LTN1: variants seen among roughly 807,000 people sequenced by gnomAD.
LTN1 encodes the protein E3 ubiquitin-protein ligase listerin.
LTN1 carries 88 observed loss-of-function variants against 201.2 expected under a neutral mutation model. The ratio of observed to expected loss-of-function variants is 0.44; its 90% CI spans 0.37 to 0.52. The LOEUF (loss-of-function observed/expected upper bound fraction) is 0.52, where lower values mean the gene tolerates loss of function less well. LTN1 is among the 20% of genes least tolerant of loss of function. The pLI is 0.00. For synonymous variants in LTN1, 645 were observed against 713.5 expected, an observed-to-expected ratio of 0.90 and a Z score of 1.53; for missense variants, 1,752 against 2,038.7, an observed-to-expected ratio of 0.86 and a Z score of 2.71.
At chr21:28,977,518 T>A (rs897443516) in intron 6 of LTN1, among the ~76,000 whole-genome samples, 27 of 151,218 alleles carry the variant, frequency 1.8e-4, no homozygotes, top group African/African-American at 6.3e-4. Flanking sequence ...AGGTCAGGAG[T>A]TTGAGACCAG....
rs1388068234 is a variant in LTN1 at position 28,981,135 on chromosome 21, T to C, written c.794A>G (p.Lys265Arg). ...TTAATATACCTGAGGTACACTGTGT[T>C]TTCCATACTTCCAAAACTTATTCTG... The part of the protein sequence containing the change: ...LSQNKFWKYG[K>R]HSVPQIRSAY... The change falls in exon 6 of 30, where the codon AAA becomes AGA. Residue 265 changes from lysine to arginine, a missense_variant. Transcript: ENST00000361371. 5 of 1,564,124 alleles carry C rather than the reference T, an allele frequency of 3.2e-6. No homozygotes were observed. In the East Asian group the frequency reaches 1.2e-4, roughly 36 times the overall value.
At chr21:28,976,095 G>A (rs1479644042) in intron 6 of LTN1, among the ~76,000 whole-genome samples, 2 of 150,558 alleles carry the variant, frequency 1.3e-5, no homozygotes, top group Non-Finnish European at 3.0e-5. Flanking sequence ...TGACTTGGAA[G>A]GACAAAAGGA....
intron 9 of LTN1, chr21:28,968,080 CTA>C (rs2084541574): frequency 1.3e-5 from 2 of 152,110 alleles, no homozygotes; most frequent in Admixed American, 6.5e-5. Flanking sequence ...TTGTAAAACA[CTA>C]TTTCATATTT....
At chr21:28,955,296 T>G (rs966632724) in intron 16 of LTN1, among the ~76,000 whole-genome samples, 9 of 151,626 alleles carry the variant, frequency 5.9e-5, no homozygotes, top group African/African-American at 2.2e-4. Context: ...TAACACCCCA[T>G]CTCTAAAAAA....
rs932202963 is a variant in LTN1 at position 28,932,497 on chromosome 21, C to T, written c.5043G>A (p.Leu1681=). 1.2e-6 allele frequency: 2 copies of T among 1,613,846 alleles called. No individual in the cohort carries two copies. The highest frequency in any genetic ancestry group is 2.2e-5 in the East Asian group (1 of 44,868). ...GATGGGTGAGGTAAGTGCTTAACTG[C>T]AGCATCCAGTTCCGCCACTGCTGAA... ...VAVQQWRNWM[L]QLSTYLTHQN... The change falls in exon 28 of 30, where the codon CTG becomes CTA. Residue 1681 remains leucine (L), a synonymous_variant. Transcript: ENST00000361371.
chr21:28,973,643 G>A (rs982325832), intron 6 of LTN1, among the ~76,000 whole-genome samples: 2 of 152,026 alleles, frequency 1.3e-5, no homozygotes, highest in African/African-American at 2.4e-5. Context: ...ATTTTGCTTT[G>A]CTTAGAAATC....
chr21:28,935,157 T>C lies in LTN1; in HGVS notation c.4827A>G (p.Gln1609=). Residue 1609 remains glutamine, a synonymous_variant, in exon 27 of 30, where the codon CAA becomes CAG. Transcript: ENST00000361371. ...SKYVSSVLSF[Q]EISSVQTSTQ... ...TACTTGTTTGTACAGAAGATATTTC[T>C]TGAAAAGAAAGAACACTGCTGACAT... 4 of 1,613,518 alleles carry C rather than the reference T, an allele frequency of 2.5e-6. No homozygotes were observed. The highest frequency in any genetic ancestry group is 3.4e-6 in the Non-Finnish European group (4 of 1,179,474).
chr21:28,969,466 C>A lies in LTN1; in HGVS notation c.1311G>T (p.Gln437His). ...EEIEQMLVND[Q>H]LIPFIDAVLK... ...CTGACGACTTTTACATTATAGATAC[C>A]TGATCATTGACGAGCATCTGTTCAA... The change falls in exon 9 of 30, where the codon CAG becomes CAT. Residue 437 changes from glutamine to histidine, a missense_variant and splice_region_variant. This residue lies in a region of LTN1 where 1,211 missense variants were observed against 1,312.8 expected (regional missense o/e 0.92). Coordinates refer to ENST00000361371, the MANE Select transcript of LTN1 (RefSeq NM_015565.3). The A allele has an allele frequency of 6.2e-7, 1 of 1,608,018 alleles. No individual in the cohort carries two copies. Among genetic ancestry groups the A allele is most frequent in the African/African-American group, 1.3e-5 (1 of 74,604 alleles).
Position 28,986,084 on chromosome 21 carries a change from G to A in LTN1, c.345+55C>T. On this transcript the variant is annotated intron_variant, in intron 3 of 29. Transcript: ENST00000361371. The surrounding 1 kb of genome is among the most constrained non-coding windows in gnomAD (Gnocchi z 4.1). ...ACATTATAAATTTGAGAGTCTCCAT[G>A]ACTCCAACCAAAAAATATACAACAG... is the stretch of plus-strand genomic sequence containing the variant. 2 of 964,536 alleles carry A rather than the reference G, an allele frequency of 2.1e-6. No homozygotes were observed. Among genetic ancestry groups the A allele is most frequent in the Non-Finnish European group, 3.3e-6 (2 of 600,922 alleles). 59.7% of individuals were successfully genotyped at this position (964,536 alleles called of 1,614,324 possible).
intron 24 of LTN1, among the ~76,000 whole-genome samples, chr21:28,942,387 C>A (rs917988110): frequency 6.6e-6 from 1 of 152,014 alleles, no homozygotes; most frequent in African/African-American, 2.4e-5. Flanking sequence ...CGGCTGGTGG[C>A]GCCCTATCTC....
At chr21:28,953,853 T>C (rs2084403532) in intron 16 of LTN1, among the ~76,000 whole-genome samples, 1 of 152,134 alleles carries the variant, frequency 6.6e-6, no homozygotes. Flanking sequence ...ATATAAATAG[T>C]TATCAATTAG....
chr21:28,948,771 A>G (rs1383511471), intron 18 of LTN1, among the ~76,000 whole-genome samples: 3 of 152,076 alleles, frequency 2.0e-5, no homozygotes, highest in African/African-American at 7.2e-5. Context: ...TTATTTAACT[A>G]TTTCCCTATC....
intron 1 of LTN1, among the ~76,000 whole-genome samples, chr21:28,989,295 A>G (rs1489386576): frequency 1.3e-5 from 2 of 152,184 alleles, no homozygotes; most frequent in Non-Finnish European, 2.9e-5. Context: ...GCAAAAGAGA[A>G]GGTATCAAAT....
At chr21:28,966,227 G>C (rs1285468755) in intron 10 of LTN1, 143 bp downstream of exon 10, 1 of 710,442 alleles carries the variant, frequency 1.4e-6, no homozygotes, top group Non-Finnish European at 2.3e-6. Context: ...AGCAGCCCTA[G>C]ATACTTCCCA....
In LTN1 at chr21:28,992,839, AC is replaced by A. The variant is rs1397186444; in HGVS notation, c.-35del. The stretch of plus-strand genomic sequence containing the variant: ...TTGCAGCTGTACTCTGAGCACTCAG[AC>A]CCCGGTTGACACGTCCGGGACACAA... On this transcript the variant is annotated 5_prime_UTR_variant, in exon 1 of 30. Transcript: ENST00000361371. The A allele has an allele frequency of 1.2e-6, 2 of 1,613,738 alleles. No homozygotes were observed. The highest frequency in any genetic ancestry group is 2.2e-5 in the South Asian group (2 of 91,040).
chr21:28,970,776 G>A (rs374669088), intron 7 of LTN1, 34 bp from the exon 8 acceptor site: 81 of 1,477,314 alleles, frequency 5.5e-5, no homozygotes, highest in Non-Finnish European at 7.2e-5. Flanking sequence ...AGTAATTAGA[G>A]ATCATAAACA....
At position 28,966,629 on chromosome 21, in the gene LTN1, A is replaced by T. The variant is rs2084525905; in HGVS notation, c.1862T>A (p.Leu621His). ...EQHLRFLSTL[L>H]DSFSSSRVFK... ...TACTCGGCTTGAAGAAAAGGAGTCA[A>T]GCAGAGTAGAAAGAAACCTTAGATG... Residue 621 changes from leucine to histidine, a missense_variant, in exon 10 of 30, where the codon CTT (leucine) becomes CAT (histidine). By Grantham distance (99) the Leu-to-His change is moderately conservative (BLOSUM62 -3). Around this residue, in one of 3 missense-constraint regions of LTN1, gnomAD observed 1,211 missense variants for 1,312.8 expected, o/e 0.92. Transcript: ENST00000361371. The T allele has an allele frequency of 6.2e-7, 1 of 1,614,000 alleles. No homozygotes were observed. Among genetic ancestry groups the T allele is most frequent in the Admixed American group, 1.7e-5 (1 of 59,988 alleles).
chr21:28,956,863 G>C lies in LTN1; in HGVS notation c.2978C>G (p.Thr993Arg). Residue 993 changes from threonine (T) to arginine (R), a missense_variant, in exon 16 of 30, where the codon ACA becomes AGA. This residue lies in a region of LTN1 where 1,211 missense variants were observed against 1,312.8 expected (regional missense o/e 0.92). Coordinates refer to ENST00000361371, the MANE Select transcript of LTN1 (RefSeq NM_015565.3). ...TGAAGTACACAAATGGCTGGGAAGT[G>C]TCTTTATGTCCTGTTCCTTAAAATC... ...KTDFKEQDIK[T>R]LPSHLCTSAL... 1 of 1,611,494 alleles carries C rather than the reference G, an allele frequency of 6.2e-7. No homozygotes were observed. The highest frequency in any genetic ancestry group is 8.5e-7 in the Non-Finnish European group (1 of 1,178,132).
chr21:28,982,522 A>AT (rs112277134), intron 4 of LTN1, among the ~76,000 whole-genome samples, 154 bp from the exon 5 acceptor site: 15 of 152,310 alleles, frequency 9.8e-5, no homozygotes, highest in African/African-American at 3.6e-4. Flanking sequence ...AAAGGTTTGA[A>AT]TTTTACCAAT....
Sources: allele counts gnomAD v4.1 joint callset (sites outside exome capture counted in the v4.1 genomes callset), GRCh38; gene constraint gnomAD v4.1.1; regional missense constraint gnomAD v4.1.1; non-coding constraint Gnocchi (gnomAD v3.1); transcripts MANE v1.5; gene names NCBI Gene and HGNC (gene_info 2026-07-23, HGNC 2026-07-21).